The following ZFHX3 variants were observed in gnomAD, a reference collection of about 807,000 sequenced individuals.
The protein encoded by ZFHX3 is zinc finger homeobox 3, also known as zinc finger homeobox protein 3.
ZFHX3 carries 42 observed loss-of-function variants against 279.1 expected under a neutral mutation model. The ratio of observed to expected loss-of-function variants is 0.15; its 90% confidence interval spans 0.12 to 0.19. ZFHX3 has a LOEUF of 0.19. Among genes scored for constraint, ZFHX3 ranks in the 10% least tolerant of loss-of-function variants. The probability of loss-of-function intolerance (pLI) is 1.00; values close to 1 mark genes in which losing one functional copy is unlikely to be tolerated. For synonymous variants in ZFHX3, 2,293 were observed against 1,957.8 expected (o/e 1.17, Z -4.52); for missense variants, 4,981 against 4,754.0 (o/e 1.05, Z -1.40).
chr16:73,005,109 T>C (rs370439719), intron 1 of ZFHX3, among the ~76,000 whole-genome samples: 1 of 152,230 alleles, frequency 6.6e-6, no homozygotes, highest in South Asian at 2.1e-4. Context: ...TTAAACTCCC[T>C]GAGCTTCGGT....
At chr16:72,888,683 G>C (rs2038691883) in intron 4 of ZFHX3, among the ~76,000 whole-genome samples, 2 of 152,338 alleles carry the variant, frequency 1.3e-5, no homozygotes, top group Admixed American at 6.5e-5. Context: ...CTTCAAGAAA[G>C]GGCTGGGCAA....
chr16:73,449,815 G>A (rs919123448), intron 3 of ZFHX3, among the ~76,000 whole-genome samples: 2 of 151,960 alleles, frequency 1.3e-5, no homozygotes, highest in Admixed American at 1.3e-4. Context: ...TAAAGTAATC[G>A]ATCTAGAAAA....
chr16:73,563,170 TTGTGTG>T (rs200933190), intron 2 of ZFHX3, among the ~76,000 whole-genome samples: 9,007 of 134,650 alleles, frequency 0.067, 417 homozygotes, highest in Admixed American at 0.15. Flanking sequence ...TTTTGTTTTG[TTGTGTG>T]TGTGTGTGTG....
chr16:73,249,557 C>T (rs1054776741), intron 5 of ZFHX3, among the ~76,000 whole-genome samples: 13 of 152,180 alleles, frequency 8.5e-5, no homozygotes, highest in South Asian at 2.1e-4. Context: ...TGGGGGAAAC[C>T]GCCCCCAAGA....
chr16:73,730,785 A>G (rs989770847), intron 1 of ZFHX3, among the ~76,000 whole-genome samples: 3 of 152,196 alleles, frequency 2.0e-5, no homozygotes, highest in Admixed American at 2.0e-4. Flanking sequence ...GGGGAACAAC[A>G]TCCATGGCCA....
chr16:73,408,889 A>T (rs2143454253), intron 3 of ZFHX3, among the ~76,000 whole-genome samples: 1 of 152,216 alleles, frequency 6.6e-6, no homozygotes, highest in Admixed American at 6.5e-5. Flanking sequence ...CTCATCTTCC[A>T]GACCTGCTCA....
chr16:73,409,440 C>G (rs1487358790), intron 3 of ZFHX3, among the ~76,000 whole-genome samples: 1 of 152,166 alleles, frequency 6.6e-6, no homozygotes, highest in Non-Finnish European at 1.5e-5. Context: ...CCAGTTATAA[C>G]AGCTTTTATC....
intron 1 of ZFHX3, among the ~76,000 whole-genome samples, chr16:73,016,975 C>T (rs1000877518): frequency 1.3e-5 from 2 of 151,648 alleles, no homozygotes; most frequent in Non-Finnish European, 2.9e-5. Flanking sequence ...CCTATAATCC[C>T]AGCACTTTGG....
At position 73,373,132 on chromosome 16, in the gene ZFHX3, T is replaced by C. The variant is rs531714930; in HGVS notation, c.-1290-54796A>G. On this transcript the variant is annotated intron_variant, in intron 3 of 17. Transcript: ENST00000641206. ...GGGACTTATATTTGTGGGGCGCTGG[T>C]GAGGAGGTTTGGGGGGGGGGTGGTT... Among the ~76,000 whole-genome samples, 13 of 29,678 alleles carry C rather than the reference T, an allele frequency of 4.4e-4. No homozygotes were observed. In the South Asian group the frequency reaches 0.018, roughly 41 times the overall value. 19.5% of individuals were successfully genotyped at this position (29,678 alleles called of 152,430 possible).
At chr16:73,689,788 C>G (rs535326755) in intron 1 of ZFHX3, among the ~76,000 whole-genome samples, 1 of 152,124 alleles carries the variant, frequency 6.6e-6, no homozygotes, top group East Asian at 1.9e-4. Flanking sequence ...GCTTACCCAG[C>G]TCTGAGGACA....
At position 73,468,556 on chromosome 16, in the gene ZFHX3, C is replaced by T. The variant is rs139448591; in HGVS notation, c.-1546-12298G>A. ...TTTGAGACCAGCCTGGCCAACATGG[C>T]GAAACCCCATCCCTCCTAAAAATAC... On this transcript the variant is annotated intron_variant, in intron 2 of 17. Transcript: ENST00000641206. Among the ~76,000 whole-genome samples, 574 of 152,142 alleles carry T rather than the reference C, an allele frequency of 3.8e-3. 5 individuals carry two copies. Among genetic ancestry groups the T allele is most frequent in the African/African-American group, 0.013 (546 of 41,506 alleles).
intron 8 of ZFHX3, among the ~76,000 whole-genome samples, chr16:73,065,512 C>T (rs1459831305): frequency 2.7e-5 from 4 of 149,180 alleles, no homozygotes; most frequent in Admixed American, 2.0e-4. Flanking sequence ...TTTAAGGGGG[C>T]GAGGGAAATC....
At chr16:73,596,312 C>T (rs982316760) in intron 2 of ZFHX3, among the ~76,000 whole-genome samples, 2 of 152,162 alleles carry the variant, frequency 1.3e-5, no homozygotes, top group Admixed American at 6.5e-5. Context: ...CGTGAGCCAA[C>T]GCACCTGGCC....
chr16:73,453,001 C>T (rs954167745), intron 3 of ZFHX3, among the ~76,000 whole-genome samples: 2 of 152,210 alleles, frequency 1.3e-5, no homozygotes, highest in Non-Finnish European at 2.9e-5. Flanking sequence ...GTTGGACTGA[C>T]CATGAGATAT....
chr16:73,001,039 C>T (rs12445992), intron 1 of ZFHX3, among the ~76,000 whole-genome samples: 43,872 of 152,108 alleles, frequency 0.29, 6,402 homozygotes, highest in Admixed American at 0.37. Context: ...TGGGAGTGAG[C>T]AATACATAGG....
chr16:73,682,967 AAAG>A (rs1567550743), intron 1 of ZFHX3, among the ~76,000 whole-genome samples: 665 of 28,662 alleles, frequency 0.023, 58 homozygotes, highest in Non-Finnish European at 0.02. Context: ...AGAAAGAAAG[AAAG>A]AAAGAAAGAA....
intron 3 of ZFHX3, among the ~76,000 whole-genome samples, chr16:72,945,986 C>G (rs1248639999): frequency 6.6e-6 from 1 of 152,196 alleles, no homozygotes; most frequent in African/African-American, 2.4e-5. Flanking sequence ...ACTTCACCTA[C>G]ATTTTCTGAT....
At chr16:73,779,066 A>G (rs1418962696) in intron 1 of ZFHX3, among the ~76,000 whole-genome samples, 6 of 152,204 alleles carry the variant, frequency 3.9e-5, no homozygotes, top group Admixed American at 2.0e-4. Context: ...TGGGTGGTCC[A>G]GATGGAAGCC....
intron 7 of ZFHX3, among the ~76,000 whole-genome samples, chr16:73,125,988 A>G (rs1178276049): frequency 6.6e-6 from 1 of 152,124 alleles, no homozygotes; most frequent in Non-Finnish European, 1.5e-5. Flanking sequence ...ATTTGAACCA[A>G]TTTCAAAGAG....
Sources: allele counts gnomAD v4.1 joint callset (sites outside exome capture counted in the v4.1 genomes callset), GRCh38; gene constraint gnomAD v4.1.1; transcripts MANE v1.5; gene names NCBI Gene and HGNC (gene_info 2026-07-23, HGNC 2026-07-21).